The following UXS1 variants were observed in gnomAD, a reference collection of about 807,000 sequenced individuals.
UXS1 encodes UDP-glucuronic acid decarboxylase 1.
A neutral mutation model predicts 62.6 loss-of-function variants in UXS1; 33 were observed. The observed-to-expected ratio is 0.53, with a 90% CI of 0.40 to 0.70. UXS1 has a LOEUF of 0.70. Ranked by LOEUF, UXS1 falls within the 30% of genes least tolerant of loss-of-function variation. UXS1 has a pLI of 0.00. For synonymous variants in UXS1, 213 were observed against 206.8 expected (o/e 1.03, Z -0.26); for missense variants, 434 against 556.3 (o/e 0.78, Z 2.21).
intron 12 of UXS1, 80 bp downstream of exon 12, chr2:106,100,978 A>C: frequency 6.4e-7 from 1 of 1,561,322 alleles, no homozygotes; most frequent in Non-Finnish European, 8.8e-7. Flanking sequence ...CAAATGAAGC[A>C]AAGCCTGGTG....
chr2:106,180,797 A>C (rs1170138748), intron 1 of UXS1, among the ~76,000 whole-genome samples: 3 of 152,208 alleles, frequency 2.0e-5, no homozygotes, highest in African/African-American at 7.2e-5. Flanking sequence ...TTGATCCTGC[A>C]AATTACTACA....
At chr2:106,112,954 T>C (rs1481506308) in intron 9 of UXS1, among the ~76,000 whole-genome samples, 189 bp from the exon 10 acceptor site, 1 of 152,198 alleles carries the variant, frequency 6.6e-6, no homozygotes, top group Non-Finnish European at 1.5e-5. Flanking sequence ...TACACAGGGC[T>C]ATACCAAAGA....
chr2:106,178,113 A>G (rs1388806289), intron 1 of UXS1, among the ~76,000 whole-genome samples: 1 of 152,224 alleles, frequency 6.6e-6, no homozygotes, highest in Non-Finnish European at 1.5e-5. Context: ...TGTGGTTGGC[A>G]GATGCTGACA....
Position 106,164,771 on chromosome 2 carries a change from T to C in UXS1, c.151A>G (p.Asn51Asp), listed in dbSNP as rs746618955. The change falls in exon 3 of 15, where the codon AAT (asparagine) becomes GAT (aspartate). Residue 51 changes from asparagine to aspartate, a missense_variant. Asn to Asp is a conservative substitution (Grantham distance 23). Transcript: ENST00000283148. ...TTGCTTTCAATTTTTAGTTCACCAT[T>C]TTCCTGGATAGACCTGTTGAGTAGA... Reference protein sequence around the residue: ...SFLLNRSIQENGELKIESKIE... With the variant: ...SFLLNRSIQEDGELKIESKIE... The C allele has an allele frequency of 3.6e-5, 58 of 1,591,732 alleles. No individual in the cohort carries two copies. Among genetic ancestry groups the C allele is most frequent in the Non-Finnish European group, 5.0e-5 (58 of 1,168,550 alleles).
intron 6 of UXS1, chr2:106,138,760 C>T: frequency 1.0e-6 from 1 of 985,500 alleles, no homozygotes; most frequent in Non-Finnish European, 1.2e-6. Context: ...AGCGGCACTG[C>T]TGCATCCTCC....
At chr2:106,192,141 G>A (rs1458711763) in intron 1 of UXS1, among the ~76,000 whole-genome samples, 1 of 152,228 alleles carries the variant, frequency 6.6e-6, no homozygotes, top group Non-Finnish European at 1.5e-5. Flanking sequence ...GTGGTATAGG[G>A]TCTGTACCAT....
At chr2:106,130,557 A>C (rs1167116908) in intron 6 of UXS1, among the ~76,000 whole-genome samples, 1 of 152,244 alleles carries the variant, frequency 6.6e-6, no homozygotes, top group East Asian at 1.9e-4. Context: ...ACAGGAGTGA[A>C]GAACAGGGAT....
chr2:106,096,773 T>C lies in UXS1; in HGVS notation c.1091A>G (p.Gln364Arg). 1 of 1,593,790 alleles carries C rather than the reference T, an allele frequency of 6.3e-7. No individual in the cohort carries two copies. Among genetic ancestry groups the C allele is most frequent in the Non-Finnish European group, 8.6e-7 (1 of 1,168,780 alleles). ...TTTTTTGATGTCTGGTTTTCTTTTCTGTGGGTCATCCTGGGCTTCGGAGAG... is the reference window on the plus strand; with the variant it reads ...TTTTTTGATGTCTGGTTTTCTTTTCCGTGGGTCATCCTGGGCTTCGGAGAG... ...QFLSEAQDDP[Q>R]KRKPDIKKAK... Residue 364 changes from glutamine to arginine, a missense_variant, in exon 14 of 15, where the codon CAG (glutamine) becomes CGG (arginine). Around this residue, in one of 3 missense-constraint regions of UXS1, gnomAD observed 209 missense variants for 233.3 expected, o/e 0.90. Transcript: ENST00000283148.
At chr2:106,099,617 G>A (rs1413887310) in intron 12 of UXS1, among the ~76,000 whole-genome samples, 1 of 152,148 alleles carries the variant, frequency 6.6e-6, no homozygotes, top group Non-Finnish European at 1.5e-5. Context: ...AATTGTCCCT[G>A]TGCAAAGGCC....
intron 1 of UXS1, among the ~76,000 whole-genome samples, chr2:106,186,784 T>C (rs1000477317): frequency 6.6e-6 from 1 of 151,982 alleles, no homozygotes; most frequent in Non-Finnish European, 1.5e-5. Flanking sequence ...TGCCACTGCA[T>C]TCCAGCATGG....
intron 1 of UXS1, among the ~76,000 whole-genome samples, chr2:106,174,957 G>A (rs557281666): frequency 3.3e-5 from 5 of 152,272 alleles, no homozygotes; most frequent in East Asian, 1.9e-4. Context: ...TGGAAGAAAC[G>A]CATCTTGTTC....
chr2:106,127,610 C>T (rs1432453381), intron 7 of UXS1, among the ~76,000 whole-genome samples: 4 of 152,164 alleles, frequency 2.6e-5, no homozygotes, highest in Non-Finnish European at 5.9e-5. Context: ...AGAACTCTAG[C>T]ACAGGGTCTG....
At chr2:106,128,798 A>G (rs1680189087) in intron 7 of UXS1, among the ~76,000 whole-genome samples, 1 of 152,162 alleles carries the variant, frequency 6.6e-6, no homozygotes, top group South Asian at 2.1e-4. Flanking sequence ...TATTGCATCT[A>G]AGAGATAAAC....
chr2:106,157,245 T>C (rs1682511555), intron 5 of UXS1, among the ~76,000 whole-genome samples: 1 of 147,652 alleles, frequency 6.8e-6, no homozygotes, highest in South Asian at 2.2e-4. Flanking sequence ...CTGTATGGTA[T>C]GTGAATTATA....
intron 11 of UXS1, among the ~76,000 whole-genome samples, chr2:106,103,899 C>T (rs931219550): frequency 2.6e-5 from 4 of 152,100 alleles, no homozygotes; most frequent in African/African-American, 9.7e-5. Flanking sequence ...GGACCCCTAC[C>T]TAAGGGTCCT....
intron 9 of UXS1, among the ~76,000 whole-genome samples, chr2:106,114,207 T>A (rs1358826593): frequency 6.6e-6 from 1 of 152,148 alleles, no homozygotes; most frequent in African/African-American, 2.4e-5. Context: ...TGTGCTGTGA[T>A]ATGAAAAAGG....
At chr2:106,161,562 C>T (rs1195757111) in intron 4 of UXS1, among the ~76,000 whole-genome samples, 2 of 152,126 alleles carry the variant, frequency 1.3e-5, no homozygotes, top group South Asian at 2.1e-4. Context: ...GAGAGAGAAA[C>T]CAGCAAGCAG....
intron 1 of UXS1, chr2:106,179,444 G>C (rs1684105915): frequency 6.6e-6 from 1 of 152,254 alleles, no homozygotes; most frequent in South Asian, 2.1e-4. Context: ...TCTTCCGCCT[G>C]CTCCTGTCTC....
intron 13 of UXS1, among the ~76,000 whole-genome samples, chr2:106,097,983 G>C (rs1184137220): frequency 4.6e-5 from 7 of 152,228 alleles, no homozygotes; most frequent in Non-Finnish European, 1.0e-4. Flanking sequence ...TGCCAGGAAG[G>C]GCACACTGGA....
Sources: allele counts gnomAD v4.1 joint callset (sites outside exome capture counted in the v4.1 genomes callset), GRCh38; gene constraint gnomAD v4.1.1; regional missense constraint gnomAD v4.1.1; transcripts MANE v1.5; gene names NCBI Gene and HGNC (gene_info 2026-07-23, HGNC 2026-07-21).